The following MYO5A variants were observed in gnomAD, a reference collection of about 807,000 sequenced individuals.
MYO5A encodes the protein unconventional myosin-Va.
A neutral mutation model predicts 249.7 loss-of-function variants in MYO5A; 98 were observed. The ratio of observed to expected loss-of-function variants is 0.39; its 90% confidence interval spans 0.33 to 0.46. The LOEUF is 0.46. Ranked by LOEUF, MYO5A falls within the 20% of genes least tolerant of loss-of-function variation. The pLI is 0.98. For synonymous variants in MYO5A, 778 were observed against 810.6 expected, an observed-to-expected ratio of 0.96 and a Z score of 0.68; for missense variants, 1,696 against 2,308.8, an observed-to-expected ratio of 0.73 and a Z score of 5.44.
rs1197055629 is a variant in MYO5A, at chr15:52,450,407, C to A, written c.28-17122G>T. Among the ~76,000 whole-genome samples the A allele has an allele frequency of 2.0e-5, 3 of 151,876 alleles. No individual in the cohort carries two copies. In the South Asian group the frequency reaches 6.2e-4, roughly 32 times the overall value. ...TGGGGCTGGGAGCAGTGGATCACGC[C>A]TGTAATCCCAGCACTTTAGGAGGCT... On this transcript the variant is annotated intron_variant, in intron 1 of 41. Transcript: ENST00000399233.
chr15:52,391,589 T>C (rs1323528602), intron 12 of MYO5A, among the ~76,000 whole-genome samples: 1 of 152,200 alleles, frequency 6.6e-6, no homozygotes, highest in Non-Finnish European at 1.5e-5. Flanking sequence ...GAACTGTTAT[T>C]CAAAATATCT....
intron 10 of MYO5A, among the ~76,000 whole-genome samples, chr15:52,396,694 A>G (rs2042502259): frequency 6.6e-6 from 1 of 152,114 alleles, no homozygotes; most frequent in Non-Finnish European, 1.5e-5. Context: ...CCAAGTGGGG[A>G]ACATCAGAAT....
chr15:52,425,741 C>T, intron 4 of MYO5A, 89 bp downstream of exon 4: 1 of 1,406,866 alleles, frequency 7.1e-7, no homozygotes, highest in Non-Finnish European at 1.0e-6. Context: ...TACAAGGTTG[C>T]CATTCACTTT....
intron 1 of MYO5A, among the ~76,000 whole-genome samples, chr15:52,442,208 C>T (rs144309558): frequency 5.9e-5 from 9 of 152,198 alleles, no homozygotes; most frequent in African/African-American, 1.7e-4. Flanking sequence ...CCACCCAAAC[C>T]CTACCACAAA....
chr15:52,475,774 C>A (rs2076578653), intron 1 of MYO5A, among the ~76,000 whole-genome samples: 1 of 152,148 alleles, frequency 6.6e-6, no homozygotes, highest in Non-Finnish European at 1.5e-5. Flanking sequence ...AATTTCTATT[C>A]TTTTACATTT....
intron 1 of MYO5A, among the ~76,000 whole-genome samples, chr15:52,435,129 G>A (rs1357064225): frequency 6.6e-6 from 1 of 152,194 alleles, no homozygotes; most frequent in Admixed American, 6.5e-5. Flanking sequence ...ATGACCCAGT[G>A]ATGAACTTAC....
chr15:52,461,734 G>A (rs942876636), intron 1 of MYO5A, among the ~76,000 whole-genome samples: 1 of 152,134 alleles, frequency 6.6e-6, no homozygotes, highest in Non-Finnish European at 1.5e-5. Flanking sequence ...AGGCTGAGGT[G>A]GGCAGATCGC....
At chr15:52,450,314 T>G (rs2075988595) in intron 1 of MYO5A, among the ~76,000 whole-genome samples, 1 of 151,968 alleles carries the variant, frequency 6.6e-6, no homozygotes, top group Non-Finnish European at 1.5e-5. Flanking sequence ...CAGTGCTTAG[T>G]ACGTAGAAGG....
intron 38 of MYO5A, 28 bp from the exon 39 acceptor site, chr15:52,319,370 A>G (rs1291848209): frequency 2.5e-6 from 4 of 1,609,912 alleles, no homozygotes; most frequent in Non-Finnish European, 3.4e-6. Flanking sequence ...TTGTTAGAGG[A>G]GATGATGTGG....
At chr15:52,323,188 A>C (rs948963838) in intron 37 of MYO5A, among the ~76,000 whole-genome samples, 167 bp downstream of exon 37, 9 of 152,214 alleles carry the variant, frequency 5.9e-5, no homozygotes, top group Admixed American at 4.6e-4. Flanking sequence ...TCATTCTCCA[A>C]ATCACTGCTT....
chr15:52,366,113 C>A (rs954709218), intron 23 of MYO5A, among the ~76,000 whole-genome samples: 1 of 152,076 alleles, frequency 6.6e-6, no homozygotes, highest in African/African-American at 2.4e-5. Context: ...TCTTTAGGCT[C>A]CCTTCTTATT....
At chr15:52,473,075 G>C (rs1266313830) in intron 1 of MYO5A, among the ~76,000 whole-genome samples, 1 of 152,160 alleles carries the variant, frequency 6.6e-6, no homozygotes, top group East Asian at 1.9e-4. Flanking sequence ...ACTTTTTAAT[G>C]ATCGCCATTC....
In MYO5A at chr15:52,307,845, A is replaced by G. The variant is rs2140891473; in HGVS notation, c.*5851T>C. 6.6e-6 allele frequency: 1 copy of G among 152,304 alleles called. No homozygotes were observed. The highest frequency in any genetic ancestry group is 1.5e-5 in the Non-Finnish European group (1 of 68,000). 9.4% of individuals were successfully genotyped at this position (152,304 alleles called of 1,614,324 possible). On this transcript the variant is annotated 3_prime_UTR_variant, in exon 42 of 42. Coordinates refer to ENST00000399233, the MANE Select transcript of MYO5A (RefSeq NM_001382347.1). Reference sequence around the variant, plus strand: ...TGTTAGCGCAATTTAAATCTCCCAAAGACACAAAAAAGTCAATTTTACTGC... The same window carrying G: ...TGTTAGCGCAATTTAAATCTCCCAAGGACACAAAAAAGTCAATTTTACTGC...
intron 6 of MYO5A, among the ~76,000 whole-genome samples, chr15:52,408,709 T>C (rs2043117915): frequency 6.6e-6 from 1 of 151,950 alleles, no homozygotes; most frequent in South Asian, 2.1e-4. Context: ...TTCCTGAGAG[T>C]CTTTTCCACA....
chr15:52,492,277 C>A (rs368278754), intron 1 of MYO5A, among the ~76,000 whole-genome samples: 5 of 152,110 alleles, frequency 3.3e-5, no homozygotes, highest in African/African-American at 1.2e-4. Flanking sequence ...CAAAAAGACA[C>A]GGAGCAAAAT....
At chr15:52,394,769 C>G (rs981377241) in intron 11 of MYO5A, among the ~76,000 whole-genome samples, 2 of 152,160 alleles carry the variant, frequency 1.3e-5, no homozygotes, top group Admixed American at 6.5e-5. Flanking sequence ...TGTGGAAACA[C>G]AATGGGAAAG....
At chr15:52,464,924 A>T (rs2076323319) in intron 1 of MYO5A, among the ~76,000 whole-genome samples, 1 of 152,180 alleles carries the variant, frequency 6.6e-6, no homozygotes, top group Admixed American at 6.5e-5. Context: ...TGTAGACAGG[A>T]TTTATCTAAT....
At chr15:52,406,485 T>G (rs1383826769) in intron 8 of MYO5A, among the ~76,000 whole-genome samples, 1 of 152,174 alleles carries the variant, frequency 6.6e-6, no homozygotes, top group South Asian at 2.1e-4. Context: ...TATGTTTCAG[T>G]AGGTCTGAGA....
At chr15:52,413,023 T>C (rs2043316368) in intron 5 of MYO5A, among the ~76,000 whole-genome samples, 1 of 151,920 alleles carries the variant, frequency 6.6e-6, no homozygotes, top group Non-Finnish European at 1.5e-5. Context: ...GGCATGTGCC[T>C]GTAATCCCAG....
Sources: gnomAD v4.1 joint callset for allele counts (sites outside exome capture counted in the v4.1 genomes callset) on GRCh38, gnomAD v4.1.1 for gene constraint, MANE v1.5 for transcripts, NCBI Gene and HGNC (gene_info 2026-07-23, HGNC 2026-07-21) for gene names.